PLCG2: variants seen among roughly 807,000 people sequenced by gnomAD.
The protein encoded by PLCG2 is phospholipase C gamma 2.
Under a neutral mutation model 175.6 loss-of-function variants are expected in PLCG2, and 69 were observed. The ratio of observed to expected loss-of-function variants is 0.39; its 90% CI spans 0.32 to 0.48. The LOEUF (loss-of-function observed/expected upper bound fraction) is 0.48. PLCG2 is among the 20% of genes least tolerant of loss of function. PLCG2 has a pLI of 0.91. For missense variants in PLCG2, 1,798 were observed against 1,650.9 expected, an observed-to-expected ratio of 1.09 and a Z score of -1.54; for synonymous variants, 827 against 624.0, an observed-to-expected ratio of 1.33 and a Z score of -4.85.
intron 23 of PLCG2, 110 bp from the exon 24 acceptor site, chr16:81,928,448 T>G (rs1301141159): frequency 1.4e-6 from 1 of 735,670 alleles, no homozygotes; most frequent in Non-Finnish European, 2.5e-6. Context: ...AAAATGCATT[T>G]TAAACAGTTC....
At chr16:81,805,757 G>GT (rs1911978295) in intron 2 of PLCG2, among the ~76,000 whole-genome samples, 3 of 60,206 alleles carry the variant, frequency 5.0e-5, no homozygotes, top group African/African-American at 2.3e-4. Flanking sequence ...TGAGAGTAGT[G>GT]TTTTGTTTTG....
At position 81,945,361 on chromosome 16, in the gene PLCG2, A is replaced by G. The variant is rs576679836; in HGVS notation, c.3482-814A>G. On this transcript the variant is annotated intron_variant, in intron 30 of 32. Transcript: ENST00000564138. Reference sequence around the variant, plus strand: ...CCACAGAAACCATCTCTGAGATACAATGCTAACTGGGTAAGGCACTATCAT... The same window carrying G: ...CCACAGAAACCATCTCTGAGATACAGTGCTAACTGGGTAAGGCACTATCAT... Among the ~76,000 whole-genome samples, 253 of 152,368 alleles carry G rather than the reference A, an allele frequency of 1.7e-3. 2 individuals carry two copies. The highest frequency in any genetic ancestry group is 5.6e-3 in the African/African-American group (234 of 41,590).
intron 10 of PLCG2, among the ~76,000 whole-genome samples, chr16:81,891,196 A>G (rs890963405): frequency 6.6e-6 from 1 of 152,228 alleles, no homozygotes; most frequent in African/African-American, 2.4e-5. Context: ...ACAACAATGT[A>G]TATATGGTAA....
At chr16:81,882,700 C>G (rs569693535) in intron 8 of PLCG2, among the ~76,000 whole-genome samples, 3 of 152,000 alleles carry the variant, frequency 2.0e-5, no homozygotes, top group Non-Finnish European at 4.4e-5. Context: ...CTCTGGTTTC[C>G]TTGCCAGGTA....
intron 1 of PLCG2, among the ~76,000 whole-genome samples, chr16:81,780,102 G>A (rs1178987354): frequency 6.6e-6 from 1 of 152,156 alleles, no homozygotes; most frequent in Non-Finnish European, 1.5e-5. Context: ...ACGGTGGGGC[G>A]GGGCTCTCTT....
intron 19 of PLCG2, among the ~76,000 whole-genome samples, chr16:81,912,949 C>T (rs987030812): frequency 2.6e-5 from 4 of 152,246 alleles, no homozygotes; most frequent in African/African-American, 9.6e-5. Flanking sequence ...ACTTTGGCTT[C>T]CAGTAACTCT....
chr16:81,899,191 A>G (rs1179274727), intron 13 of PLCG2, among the ~76,000 whole-genome samples: 2 of 152,024 alleles, frequency 1.3e-5, no homozygotes, highest in Non-Finnish European at 2.9e-5. Flanking sequence ...CCATTTCCAA[A>G]AGAAAAATAA....
chr16:81,882,166 T>A (rs1908114402), intron 8 of PLCG2, among the ~76,000 whole-genome samples: 1 of 152,182 alleles, frequency 6.6e-6, no homozygotes, highest in South Asian at 2.1e-4. Context: ...AACATACCCA[T>A]TACCCTGGGA....
intron 2 of PLCG2, among the ~76,000 whole-genome samples, chr16:81,849,771 CAAAAAAAAAAAA>C (rs34130863): frequency 1.6e-3 from 133 of 83,144 alleles, no homozygotes; most frequent in Admixed American, 3.4e-3. Flanking sequence ...AACTCTGTCT[CAAAAAAAAAAAA>C]AAAAAAAAAA....
chr16:81,816,909 C>G (rs1904578050), intron 2 of PLCG2, among the ~76,000 whole-genome samples: 1 of 152,112 alleles, frequency 6.6e-6, no homozygotes, highest in African/African-American at 2.4e-5. Flanking sequence ...GGGGCCACAT[C>G]CGGTTCTGCC....
At chr16:81,868,985 C>A (rs1480206747) in intron 5 of PLCG2, among the ~76,000 whole-genome samples, 1 of 152,238 alleles carries the variant, frequency 6.6e-6, no homozygotes, top group Non-Finnish European at 1.5e-5. Flanking sequence ...TCACCCTACC[C>A]TGTGAGTCTG....
At chr16:81,791,267 G>T (rs1434527605) in intron 2 of PLCG2, among the ~76,000 whole-genome samples, 2 of 152,108 alleles carry the variant, frequency 1.3e-5, no homozygotes, top group African/African-American at 2.4e-5. Context: ...TGGGGGAGGT[G>T]GTGAGGAATG....
At chr16:81,749,919 A>C (rs945176766) in intron 1 of PLCG2, among the ~76,000 whole-genome samples, 1 of 152,166 alleles carries the variant, frequency 6.6e-6, no homozygotes, top group Non-Finnish European at 1.5e-5. Flanking sequence ...AGTGTAATCC[A>C]TCTACGCGGC....
chr16:81,836,425 C>G (rs1393082799), intron 2 of PLCG2, among the ~76,000 whole-genome samples: 4 of 152,264 alleles, frequency 2.6e-5, no homozygotes, highest in Non-Finnish European at 4.4e-5. Context: ...TCGTTTCATC[C>G]TTCCCTTGGT....
At chr16:81,898,058 C>A (rs926091831) in intron 13 of PLCG2, 5 of 334,086 alleles carry the variant, frequency 1.5e-5, no homozygotes, top group Non-Finnish European at 3.0e-5. Flanking sequence ...CTGGTATTAA[C>A]AGACACTGTG....
Position 81,771,064 on chromosome 16 carries a change from A to AT in PLCG2, c.-47-14879_-47-14878insT, listed in dbSNP as rs1185922025. 2.3e-4 allele frequency among the ~76,000 whole-genome samples: 16 copies of AT among 68,778 alleles called. No homozygotes were observed. In the South Asian group the frequency reaches 3.0e-3, roughly 13 times the overall value. The allele number at this position is 68,778 out of a possible 152,430, so 45.1% of individuals were successfully genotyped here. The stretch of plus-strand genomic sequence containing the variant: ...CAGAGCGAGACTCCATCTCAAAAAA[A>AT]AAAAAAAATAAATAAATAAATAAAA... On this transcript the variant is annotated intron_variant, in intron 2 of 5. Transcript: ENST00000565054.
intron 1 of PLCG2, among the ~76,000 whole-genome samples, chr16:81,781,769 GA>G (rs1332623831): frequency 6.6e-6 from 1 of 152,200 alleles, no homozygotes; most frequent in Non-Finnish European, 1.5e-5. Flanking sequence ...ATTTTTGGAT[GA>G]AATCCTGTAC....
At chr16:81,815,668 T>A (rs4243212) in intron 2 of PLCG2, among the ~76,000 whole-genome samples, 151,549 of 152,278 alleles carry the variant, frequency 1, 75,413 homozygotes, top group East Asian at 1. Flanking sequence ...GGGAAAATCC[T>A]GCCTGATTTT....
At position 81,880,633 on chromosome 16, in the gene PLCG2, A is replaced by G. The variant is rs544712192; in HGVS notation, c.649-277A>G. On this transcript the variant is annotated intron_variant, in intron 7 of 32. Transcript: ENST00000564138. ...TATGATATGATACCATTAAATGAAT[A>G]TCCCTAAAACAAATTCTAGAAGGAA... Among the ~76,000 whole-genome samples the G allele has an allele frequency of 3.3e-5, 5 of 152,360 alleles. No individual in the cohort carries two copies. In the South Asian group the frequency reaches 1.0e-3, roughly 32 times the overall value.
Sources: gnomAD v4.1 joint callset for allele counts (sites outside exome capture counted in the v4.1 genomes callset) on GRCh38, gnomAD v4.1.1 for gene constraint, MANE v1.5 for transcripts, NCBI Gene and HGNC (gene_info 2026-07-23, HGNC 2026-07-21) for gene names.